Variants in CPNE3 observed in about 807,000 individuals in gnomAD.
CPNE3 encodes the protein copine 3.
A neutral mutation model predicts 63.9 loss-of-function variants in CPNE3; 68 were observed. That is an observed-to-expected ratio of 1.06 (90% CI 0.87 to 1.30). CPNE3 has a LOEUF of 1.30. Among genes scored for constraint, CPNE3 ranks in the 50% most tolerant of loss-of-function variants. The probability of loss-of-function intolerance (pLI) is 0.00; values close to 1 mark genes in which losing one functional copy is unlikely to be tolerated. For missense variants in CPNE3, 665 were observed against 578.1 expected (o/e 1.15, Z -1.54); for synonymous variants, 219 against 197.5 (o/e 1.11, Z -0.91).
At chr8:86,520,571 T>C (rs989353082) in intron 2 of CPNE3, among the ~76,000 whole-genome samples, 8 of 151,484 alleles carry the variant, frequency 5.3e-5, no homozygotes, top group Non-Finnish European at 7.4e-5. Flanking sequence ...AAAAAAGATT[T>C]AACAGCTGAA....
At chr8:86,534,842 CA>C (rs1820768633) in intron 6 of CPNE3, among the ~76,000 whole-genome samples, 2 of 152,070 alleles carry the variant, frequency 1.3e-5, no homozygotes, top group Admixed American at 1.3e-4. Flanking sequence ...TACCATTTTT[CA>C]AAATTATAAG....
At chr8:86,542,977 A>G (rs1351926066) in intron 8 of CPNE3, among the ~76,000 whole-genome samples, 2 of 152,118 alleles carry the variant, frequency 1.3e-5, no homozygotes, top group African/African-American at 4.8e-5. Flanking sequence ...TGTCTTAGAT[A>G]TAAATTGGTG....
In CPNE3 at chr8:86,561,482, A is replaced by G. The variant is rs550601157; in HGVS notation, c.*3072A>G. On this transcript the variant is annotated 3_prime_UTR_variant, in exon 17 of 17. Coordinates refer to ENST00000517490, the MANE Select transcript of CPNE3 (RefSeq NM_003909.5). ...ACAATAGAAAAGTTAAAAATAAAAT[A>G]TAGTGTTTTAGGTGGCCTTTGACTT... 3 of 152,222 alleles carry G rather than the reference A, an allele frequency of 2.0e-5. No individual in the cohort carries two copies. The highest frequency in any genetic ancestry group is 4.4e-5 in the Non-Finnish European group (3 of 68,036). 9.4% of individuals were successfully genotyped at this position (152,222 alleles called of 1,614,324 possible). A position where few individuals can be genotyped will look rare whatever the true frequency, so the allele number is the denominator to read the frequency against.
intron 9 of CPNE3, among the ~76,000 whole-genome samples, chr8:86,545,650 T>C (rs902621245): frequency 6.6e-6 from 1 of 152,248 alleles, no homozygotes; most frequent in African/African-American, 2.4e-5. Flanking sequence ...CACATCATTG[T>C]ATTATACCAC....
At chr8:86,552,092 A>C (rs1390563930) in intron 14 of CPNE3, among the ~76,000 whole-genome samples, 1 of 152,264 alleles carries the variant, frequency 6.6e-6, no homozygotes, top group Non-Finnish European at 1.5e-5. Context: ...AGTTTGGAGA[A>C]GGCAAGGTAG....
intron 2 of CPNE3, among the ~76,000 whole-genome samples, chr8:86,517,716 A>T (rs1336528695): frequency 2.0e-5 from 3 of 152,168 alleles, no homozygotes; most frequent in Non-Finnish European, 4.4e-5. Flanking sequence ...TATACTATAT[A>T]TGTTACTTAT....
At chr8:86,550,306 T>C (rs1268234739) in intron 12 of CPNE3, among the ~76,000 whole-genome samples, 1 of 152,184 alleles carries the variant, frequency 6.6e-6, no homozygotes, top group Non-Finnish European at 1.5e-5. Flanking sequence ...TGGAGTACAG[T>C]GGTGCAGTCA....
chr8:86,556,257 T>C lies in CPNE3; in HGVS notation c.1410T>C (p.Asp470=), dbSNP rs767931972. The change falls in exon 16 of 17, where the codon GAT becomes GAC. Residue 470 remains aspartate, a synonymous_variant. Coordinates refer to ENST00000517490, the MANE Select transcript of CPNE3 (RefSeq NM_003909.5). ...GCGCCATGGAGTTTCTGGATGGTGA[T>C]GGTGGAAGTCTCCGCTCCCCATTGG... ...DFSAMEFLDG[D]GGSLRSPLGE... is the part of the protein sequence containing the mutation. 53 of 872,940 alleles carry C rather than the reference T, an allele frequency of 6.1e-5. 1 individual carries two copies. In the South Asian group the frequency reaches 6.7e-4, roughly 11 times the overall value. The allele number at this position is 872,940 out of a possible 1,614,324, so 54.1% of individuals were successfully genotyped here. A position where few individuals can be genotyped will look rare whatever the true frequency, so the allele number is the denominator to read the frequency against.
At chr8:86,533,644 T>C (rs1335411745) in intron 6 of CPNE3, among the ~76,000 whole-genome samples, 1 of 152,024 alleles carries the variant, frequency 6.6e-6, no homozygotes, top group East Asian at 1.9e-4. Context: ...AGAAGACTCT[T>C]TTTAAAAAAT....
intron 14 of CPNE3, 154 bp downstream of exon 14, chr8:86,551,388 T>G (rs2131494156): frequency 1.6e-6 from 1 of 635,454 alleles, no homozygotes; most frequent in Admixed American, 2.9e-5. Context: ...TTCTGTTGTA[T>G]AAGGTAGAAG....
At chr8:86,530,831 A>T (rs1424983115) in intron 4 of CPNE3, among the ~76,000 whole-genome samples, 1 of 151,712 alleles carries the variant, frequency 6.6e-6, no homozygotes, top group African/African-American at 2.4e-5. Context: ...AGCTGGGATT[A>T]CAGGCACCCA....
intron 14 of CPNE3, 71 bp downstream of exon 14, chr8:86,551,305 T>C (rs1441572633): frequency 3.6e-6 from 4 of 1,105,392 alleles, no homozygotes; most frequent in Non-Finnish European, 5.4e-6. Context: ...TGTTCTTTGT[T>C]CTTTGTTTTT....
chr8:86,535,834 T>C (rs1276059914), intron 6 of CPNE3, among the ~76,000 whole-genome samples: 3 of 152,148 alleles, frequency 2.0e-5, no homozygotes, highest in Admixed American at 1.3e-4. Context: ...TACTGAAAAG[T>C]TTGAGCTTTC....
chr8:86,538,599 A>G (rs551246993), intron 7 of CPNE3, among the ~76,000 whole-genome samples: 1 of 152,264 alleles, frequency 6.6e-6, no homozygotes, highest in South Asian at 2.1e-4. Context: ...TTTGACTATT[A>G]TATTCCCAAT....
chr8:86,539,956 C>T lies in CPNE3; in HGVS notation c.544-289C>T, dbSNP rs113243569. ...TGGGGATTACAGGTGTGAGCCACCG[C>T]GCCCAGCCATCCTCTGTAGTTCCTA... is the stretch of plus-strand genomic sequence containing the variant. On this transcript the variant is annotated intron_variant, in intron 7 of 16. Coordinates refer to ENST00000517490, the MANE Select transcript of CPNE3 (RefSeq NM_003909.5). 3.2e-3 allele frequency among the ~76,000 whole-genome samples: 490 copies of T among 152,172 alleles called. 3 individuals are homozygous for T. Among genetic ancestry groups the T allele is most frequent in the African/African-American group, 0.011 (465 of 41,512 alleles).
chr8:86,544,586 T>C (rs894059962), intron 8 of CPNE3, among the ~76,000 whole-genome samples, 154 bp from the exon 9 acceptor site: 2 of 152,214 alleles, frequency 1.3e-5, no homozygotes, highest in Non-Finnish European at 2.9e-5. Flanking sequence ...CTCTAGGATG[T>C]TAATTCCTAC....
chr8:86,520,720 C>G (rs552531921), intron 2 of CPNE3, among the ~76,000 whole-genome samples: 2 of 142,614 alleles, frequency 1.4e-5, no homozygotes, highest in Admixed American at 1.4e-4. Context: ...AGTGCAGTGG[C>G]GCAATCTTGG....
chr8:86,547,754 G>C lies in CPNE3; in HGVS notation c.863G>C (p.Cys288Ser). 7.3e-7 allele frequency: 1 copy of C among 1,365,296 alleles called. No individual in the cohort carries two copies. The highest frequency in any genetic ancestry group is 1.0e-6 in the Non-Finnish European group (1 of 957,348). The allele number at this position is 1,365,296 out of a possible 1,614,324, so 84.6% of individuals were successfully genotyped here. A position where few individuals can be genotyped will look rare whatever the true frequency, so the allele number is the denominator to read the frequency against. ...TTCCTTGACTATATAATGGGAGGAT[G>C]TCAGCTGAATTTTACTGTAAGTAAC... The part of the protein sequence containing the change: ...CTFLDYIMGG[C>S]QLNFTVGVDF... The change falls in exon 11 of 17, where the codon TGT (cysteine) becomes TCT (serine). Residue 288 changes from cysteine to serine, a missense_variant. By Grantham distance (112) the Cys-to-Ser change is moderately radical (BLOSUM62 -1). Coordinates refer to ENST00000517490, the MANE Select transcript of CPNE3 (RefSeq NM_003909.5).
chr8:86,546,291 C>T (rs1821049463), intron 9 of CPNE3, among the ~76,000 whole-genome samples: 1 of 151,174 alleles, frequency 6.6e-6, no homozygotes, highest in Non-Finnish European at 1.5e-5. Context: ...AAATATGCAG[C>T]AAAGAGAAAA....
Sources: gnomAD v4.1 joint callset for allele counts (sites outside exome capture counted in the v4.1 genomes callset) on GRCh38, gnomAD v4.1.1 for gene constraint, MANE v1.5 for transcripts, NCBI Gene and HGNC (gene_info 2026-07-23, HGNC 2026-07-21) for gene names.